ADCY2: variants seen among roughly 807,000 people sequenced by gnomAD.
ADCY2 encodes adenylate cyclase type 2.
In ADCY2, 31 loss-of-function variants were observed where a neutral mutation model predicts 125.2. That is an observed-to-expected ratio of 0.25 (90% confidence interval 0.19 to 0.33). The LOEUF is 0.33. Ranked by LOEUF, ADCY2 falls within the 10% of genes least tolerant of loss-of-function variation. ADCY2 has a pLI of 1.00. For synonymous variants in ADCY2, 512 were observed against 548.4 expected (o/e 0.93, Z 0.93); for missense variants, 904 against 1,418.2 (o/e 0.64, Z 5.82).
intron 2 of ADCY2, among the ~76,000 whole-genome samples, chr5:7,465,907 A>G (rs968144450): frequency 3.3e-5 from 5 of 152,324 alleles, no homozygotes; most frequent in Admixed American, 1.3e-4. Flanking sequence ...GGTCAATGAA[A>G]TTTGGGGAAA....
intron 4 of ADCY2, among the ~76,000 whole-genome samples, chr5:7,684,940 C>T (rs1459083371): frequency 6.6e-6 from 1 of 152,220 alleles, no homozygotes; most frequent in Non-Finnish European, 1.5e-5. Context: ...ATGCACAAAA[C>T]ATTCCAGTTT....
At chr5:7,552,596 T>G (rs185083748) in intron 3 of ADCY2, among the ~76,000 whole-genome samples, 26 of 152,356 alleles carry the variant, frequency 1.7e-4, no homozygotes, top group Admixed American at 4.6e-4. Context: ...TTGTTAAAAC[T>G]GTTCTGTGGC....
chr5:7,534,504 G>A (rs1734752746), intron 3 of ADCY2, among the ~76,000 whole-genome samples: 1 of 152,154 alleles, frequency 6.6e-6, no homozygotes, highest in Non-Finnish European at 1.5e-5. Flanking sequence ...AGATGAGGGA[G>A]GGATGAAGAA....
intron 16 of ADCY2, among the ~76,000 whole-genome samples, chr5:7,766,002 A>C (rs917187328): frequency 1.3e-5 from 2 of 152,226 alleles, no homozygotes; most frequent in Non-Finnish European, 2.9e-5. Context: ...CCTTGCTAAC[A>C]GGTTGATACT....
chr5:7,783,357 G>A (rs373058080), intron 18 of ADCY2, among the ~76,000 whole-genome samples: 84 of 152,264 alleles, frequency 5.5e-4, no homozygotes, highest in African/African-American at 2.0e-3. Context: ...CAGGGTAGGG[G>A]TTGGTACCCA....
At chr5:7,654,105 CG>C in intron 4 of ADCY2, 2 of 456,130 alleles carry the variant, frequency 4.4e-6, no homozygotes, top group South Asian at 3.1e-5. Flanking sequence ...GCAGTCACCA[CG>C]GGACTCCTGA....
At chr5:7,672,056 G>A (rs906569900) in intron 4 of ADCY2, among the ~76,000 whole-genome samples, 3 of 152,188 alleles carry the variant, frequency 2.0e-5, no homozygotes, top group South Asian at 2.1e-4. Context: ...AAATTCAGAC[G>A]TGGCCAGGTC....
At chr5:7,540,723 T>C (rs1046431595) in intron 3 of ADCY2, among the ~76,000 whole-genome samples, 11 of 152,164 alleles carry the variant, frequency 7.2e-5, no homozygotes, top group African/African-American at 2.4e-4. Context: ...GGGGTCTGCA[T>C]TGGAAGAAGA....
At chr5:7,724,405 CG>C in intron 12 of ADCY2, 139 bp from the exon 13 acceptor site, 1 of 645,742 alleles carries the variant, frequency 1.5e-6, no homozygotes, top group Admixed American at 3.2e-5. Context: ...GTTGGCATCA[CG>C]TGTTTTTTTT....
chr5:7,487,488 T>A (rs1177395758), intron 2 of ADCY2, among the ~76,000 whole-genome samples: 5 of 152,198 alleles, frequency 3.3e-5, no homozygotes, highest in Non-Finnish European at 7.4e-5. Flanking sequence ...GTCTAGAAGC[T>A]TTGTGAAGGC....
At chr5:7,475,705 A>G (rs928111600) in intron 2 of ADCY2, among the ~76,000 whole-genome samples, 8 of 152,154 alleles carry the variant, frequency 5.3e-5, no homozygotes, top group Non-Finnish European at 7.3e-5. Context: ...AAGGAGAACA[A>G]GCGTGACTTG....
chr5:7,680,796 G>GTTTTTA (rs1740303147), intron 4 of ADCY2, among the ~76,000 whole-genome samples: 1 of 152,166 alleles, frequency 6.6e-6, no homozygotes, highest in African/African-American at 2.4e-5. Context: ...GTCAGGTAGT[G>GTTTTTA]GGACACATGA....
chr5:7,573,680 AG>A (rs1187463875), intron 3 of ADCY2, among the ~76,000 whole-genome samples: 1 of 148,574 alleles, frequency 6.7e-6, no homozygotes, highest in African/African-American at 2.5e-5. Flanking sequence ...ACAGCGTGGA[AG>A]GGGTCCCGAG....
intron 3 of ADCY2, among the ~76,000 whole-genome samples, chr5:7,545,745 G>A (rs1463702280): frequency 6.6e-6 from 1 of 152,138 alleles, no homozygotes; most frequent in Non-Finnish European, 1.5e-5. Flanking sequence ...TGCGGTCGGT[G>A]GGTTACACGC....
intron 3 of ADCY2, among the ~76,000 whole-genome samples, chr5:7,543,013 G>T (rs1199156500): frequency 2.0e-5 from 3 of 152,064 alleles, no homozygotes; most frequent in Admixed American, 6.6e-5. Flanking sequence ...TCACCAGAGG[G>T]GTGTGCAGAC....
chr5:7,656,005 C>G (rs1003188858), intron 4 of ADCY2, among the ~76,000 whole-genome samples: 19 of 151,346 alleles, frequency 1.3e-4, no homozygotes, highest in African/African-American at 4.6e-4. Context: ...CAGCACCTGT[C>G]TCATAGACAC....
rs1378239502 is a variant in ADCY2 at position 7,828,343 on chromosome 5, T to C, written c.*1472T>C. 2 of 152,484 alleles carry C rather than the reference T, an allele frequency of 1.3e-5. No individual in the cohort carries two copies. The highest frequency in any genetic ancestry group is 2.1e-4 in the South Asian group (1 of 4,826). 9.4% of individuals were successfully genotyped at this position (152,484 alleles called of 1,614,324 possible). ...TTCCTGGTTTGAATCCTGGCTCTGA[T>C]TTTTTACTGGCTGTGTGACTTTGAA... is the stretch of plus-strand genomic sequence containing the variant. On this transcript the variant is annotated 3_prime_UTR_variant, in exon 25 of 25. Transcript: ENST00000338316.
At chr5:7,731,025 A>G (rs1377282792) in intron 14 of ADCY2, among the ~76,000 whole-genome samples, 1 of 152,002 alleles carries the variant, frequency 6.6e-6, no homozygotes, top group Non-Finnish European at 1.5e-5. Flanking sequence ...TTGTAGCTGC[A>G]TATTGTGTTC....
At position 7,396,636 on chromosome 5, in the gene ADCY2, C is replaced by A; in HGVS notation, c.210+130C>A. 1 of 460,580 alleles carries A rather than the reference C, an allele frequency of 2.2e-6. No individual in the cohort carries two copies. Among genetic ancestry groups the A allele is most frequent in the Non-Finnish European group, 3.3e-6 (1 of 306,628 alleles). 28.5% of individuals were successfully genotyped at this position (460,580 alleles called of 1,614,324 possible). ...AGCCCCTCGGCCCGCGGCAGCCCCTCGGCCCGCGGCTCCCTGCTTCTCCTG... is the reference window on the plus strand; with the variant it reads ...AGCCCCTCGGCCCGCGGCAGCCCCTAGGCCCGCGGCTCCCTGCTTCTCCTG... On this transcript the variant is annotated intron_variant, in intron 1 of 24. Transcript: ENST00000338316. The surrounding 1 kb of genome is among the most constrained non-coding windows in gnomAD (Gnocchi z 5.7).
Sources: allele counts gnomAD v4.1 joint callset (sites outside exome capture counted in the v4.1 genomes callset), GRCh38; gene constraint gnomAD v4.1.1; non-coding constraint Gnocchi (gnomAD v3.1); transcripts MANE v1.5; gene names NCBI Gene and HGNC (gene_info 2026-07-23, HGNC 2026-07-21).